Variants in ERGIC2 observed in about 807,000 individuals in gnomAD.
ERGIC2 encodes the protein ERGIC and golgi 2, also known as endoplasmic reticulum-Golgi intermediate compartment protein 2.
Under a neutral mutation model 52.5 loss-of-function variants are expected in ERGIC2, and 31 were observed. That is an observed-to-expected ratio of 0.59 (90% CI 0.44 to 0.80). The LOEUF (loss-of-function observed/expected upper bound fraction) is 0.80. Ranked by LOEUF, ERGIC2 falls within the 30% of genes least tolerant of loss-of-function variation. ERGIC2 has a pLI of 0.00. For missense variants in ERGIC2, 395 were observed against 455.2 expected (o/e 0.87, Z 1.20); for synonymous variants, 129 against 140.6 (o/e 0.92, Z 0.58).
intron 1 of ERGIC2, among the ~76,000 whole-genome samples, chr12:29,379,506 A>G (rs1940558067): frequency 6.6e-6 from 1 of 152,226 alleles, no homozygotes; most frequent in African/African-American, 2.4e-5. Context: ...ATTTTAAACA[A>G]TATCTTCTTC....
At chr12:29,343,008 T>A (rs1949849786) in intron 12 of ERGIC2, 112 bp downstream of exon 12, 1 of 835,608 alleles carries the variant, frequency 1.2e-6, no homozygotes, top group Non-Finnish European at 1.8e-6. Context: ...AAGCAAAAGC[T>A]ATTTAAACAC....
intron 5 of ERGIC2, among the ~76,000 whole-genome samples, chr12:29,365,310 A>G (rs916830996): frequency 1.3e-5 from 2 of 152,132 alleles, no homozygotes; most frequent in Non-Finnish European, 2.9e-5. Flanking sequence ...TTGCAGCAAC[A>G]TGAATGCAGC....
At position 29,342,925 on chromosome 12, in the gene ERGIC2, C is replaced by T. The variant is rs12317278; in HGVS notation, c.988+195G>A. Among the ~76,000 whole-genome samples the T allele has an allele frequency of 3.7e-3, 567 of 152,256 alleles. 10 individuals carry two copies. The highest frequency in any genetic ancestry group is 0.013 in the African/African-American group (545 of 41,544). Reference sequence around the variant, plus strand: ...TCCAACTCACCATTATATAATCTACCTTACATCATTGAATACAATGAAATT... The same window carrying T: ...TCCAACTCACCATTATATAATCTACTTTACATCATTGAATACAATGAAATT... On this transcript the variant is annotated intron_variant, in intron 12 of 13. Coordinates refer to ENST00000360150, the MANE Select transcript of ERGIC2 (RefSeq NM_016570.3).
chr12:29,356,386 C>CTT lies in ERGIC2; in HGVS notation c.567_568insAA (p.Gly190LysfsTer29). ...CAGTAAGTGAAAAGAACATACTTGCCCACTGTTATGTGAAAATTCCCTGCT... is the reference window on the plus strand; with the variant it reads ...CAGTAAGTGAAAAGAACATACTTGCCTTCACTGTTATGTGAAAATTCCCTGCT... On this transcript the variant is annotated frameshift_variant, in exon 8 of 14. Transcript: ENST00000360150. LOFTEE classifies it high-confidence loss of function. 1.3e-6 allele frequency: 2 copies of CTT among 1,543,936 alleles called. No homozygotes were observed. Among genetic ancestry groups the CTT allele is most frequent in the Non-Finnish European group, 1.8e-6 (2 of 1,116,336 alleles).
At position 29,341,737 on chromosome 12, in the gene ERGIC2, A is replaced by G. The variant is rs763541025; in HGVS notation, c.1068T>C (p.Asn356=). ...RFRLGSYKPV[N]SVPFEDGHTD... is the part of the protein sequence containing the mutation. ...CCATGTATACTACACCACTTACAGA[A>G]TTGACAGGTTTATAGGATCCAAGTC... is the stretch of plus-strand genomic sequence containing the variant. Residue 356 remains asparagine (N), a synonymous_variant, in exon 13 of 14, where the codon AAT becomes AAC. Coordinates refer to ENST00000360150, the MANE Select transcript of ERGIC2 (RefSeq NM_016570.3). 4 of 1,555,372 alleles carry G rather than the reference A, an allele frequency of 2.6e-6. No homozygotes were observed. The South Asian group carries it at 4.5e-5, about 17-fold the overall frequency.
chr12:29,362,301 C>A (rs899856396), intron 5 of ERGIC2, among the ~76,000 whole-genome samples: 1 of 152,130 alleles, frequency 6.6e-6, no homozygotes, highest in Non-Finnish European at 1.5e-5. Context: ...TTCGGCCGGG[C>A]ATGGTGGCTC....
intron 8 of ERGIC2, among the ~76,000 whole-genome samples, chr12:29,355,070 T>C (rs768538168): frequency 6.6e-6 from 1 of 152,202 alleles, no homozygotes; most frequent in Non-Finnish European, 1.5e-5. Context: ...TTTTATAAAC[T>C]TCCAGCCATG....
chr12:29,353,993 G>A (rs1940169678), intron 8 of ERGIC2, among the ~76,000 whole-genome samples: 2 of 152,190 alleles, frequency 1.3e-5, no homozygotes, highest in East Asian at 3.9e-4. Context: ...AAAATTGGTG[G>A]GGGGTGAAGA....
Position 29,337,903 on chromosome 12 carries a change from G to T in ERGIC2, c.*3253C>A, listed in dbSNP as rs1339912449. The T allele has an allele frequency of 2.0e-5, 3 of 152,304 alleles. No homozygotes were observed. Among genetic ancestry groups the T allele is most frequent in the Admixed American group, 6.5e-5 (1 of 15,280 alleles). The allele number at this position is 152,304 out of a possible 1,614,324, so 9.4% of individuals were successfully genotyped here. Reference sequence around the variant, plus strand: ...AAAAAATTAGATCTGTCCAGGGGCAGTGGCTCATGCCTGTAATCCCAACAC... The same window carrying T: ...AAAAAATTAGATCTGTCCAGGGGCATTGGCTCATGCCTGTAATCCCAACAC... On this transcript the variant is annotated 3_prime_UTR_variant, in exon 14 of 14. Coordinates refer to ENST00000360150, the MANE Select transcript of ERGIC2 (RefSeq NM_016570.3).
intron 11 of ERGIC2, among the ~76,000 whole-genome samples, chr12:29,344,058 C>T (rs10843390): frequency 0.38 from 57,086 of 151,830 alleles, 12,372 homozygotes; most frequent in African/African-American, 0.6. Flanking sequence ...GTATTTTTGG[C>T]TTTGTTATTT....
In ERGIC2 at chr12:29,371,661, T is replaced by A. The variant is rs369771509; in HGVS notation, c.-28A>T. On this transcript the variant is annotated 5_prime_UTR_variant, in exon 2 of 14. An upstream start codon of the reference 5' UTR is lost. Transcript: ENST00000360150. ...TCAGGAAAACCTTCCTCTTCCTTCA[T>A]ATAGTCATGCTAAGGAATAAATAAA... 2 of 1,374,844 alleles carry A rather than the reference T, an allele frequency of 1.5e-6. No homozygotes were observed. Among genetic ancestry groups the A allele is most frequent in the African/African-American group, 2.8e-5 (2 of 70,346 alleles). 85.2% of individuals were successfully genotyped at this position (1,374,844 alleles called of 1,614,324 possible).
chr12:29,357,472 T>C (rs1940224106), intron 7 of ERGIC2, 151 bp downstream of exon 7: 2 of 521,970 alleles, frequency 3.8e-6, no homozygotes, highest in South Asian at 6.3e-5. Context: ...GCTATAAATT[T>C]AAGAGCAAAA....
chr12:29,352,914 G>A (rs773460346), intron 8 of ERGIC2, among the ~76,000 whole-genome samples: 2 of 152,038 alleles, frequency 1.3e-5, no homozygotes, highest in African/African-American at 4.8e-5. Context: ...TCACCTTGAA[G>A]ATCTCCTTTA....
At chr12:29,344,724 G>A (rs928743624) in intron 11 of ERGIC2, among the ~76,000 whole-genome samples, 2 of 151,944 alleles carry the variant, frequency 1.3e-5, no homozygotes, top group African/African-American at 4.8e-5. Context: ...TATAAGGCTA[G>A]TAAAAGAAAA....
chr12:29,343,330 C>G (rs779412308), intron 11 of ERGIC2, 48 bp from the exon 12 acceptor site: 2 of 1,468,698 alleles, frequency 1.4e-6, no homozygotes, highest in Admixed American at 2.0e-5. Flanking sequence ...AAGAGAGAAA[C>G]AGAATTCATG....
At chr12:29,349,730 T>C (rs1007340080) in intron 9 of ERGIC2, among the ~76,000 whole-genome samples, 3 of 152,032 alleles carry the variant, frequency 2.0e-5, no homozygotes, top group South Asian at 2.1e-4. Context: ...AATTTGCAAA[T>C]TGAAATAAAC....
intron 8 of ERGIC2, among the ~76,000 whole-genome samples, chr12:29,353,609 T>C (rs1479551107): frequency 1.3e-5 from 2 of 152,112 alleles, no homozygotes; most frequent in African/African-American, 2.4e-5. Flanking sequence ...TGGAGCATTT[T>C]GAATTTCAGA....
intron 3 of ERGIC2, among the ~76,000 whole-genome samples, chr12:29,369,879 T>A (rs894858388): frequency 3.9e-5 from 6 of 151,990 alleles, no homozygotes; most frequent in African/African-American, 1.4e-4. Context: ...TCCCCTAACT[T>A]TTTGAAACAA....
At chr12:29,360,228 T>G (rs1317147644) in intron 6 of ERGIC2, among the ~76,000 whole-genome samples, 1 of 151,942 alleles carries the variant, frequency 6.6e-6, no homozygotes. Flanking sequence ...ATTCTATTTC[T>G]AGAAATACAC....
Sources: allele counts gnomAD v4.1 joint callset (sites outside exome capture counted in the v4.1 genomes callset), GRCh38; gene constraint gnomAD v4.1.1; transcripts MANE v1.5; gene names NCBI Gene and HGNC (gene_info 2026-07-23, HGNC 2026-07-21).